SAP130: variants seen among roughly 807,000 people sequenced by gnomAD.
SAP130 encodes the protein Sin3A associated protein 130.
Under a neutral mutation model 103.2 loss-of-function variants are expected in SAP130, and 16 were observed. That is an observed-to-expected ratio of 0.16 (90% confidence interval 0.10 to 0.24). SAP130 has a LOEUF of 0.24. Among genes scored for constraint, SAP130 ranks in the 10% least tolerant of loss-of-function variants. The pLI is 1.00. For missense variants in SAP130, 990 were observed against 1,359.7 expected, an observed-to-expected ratio of 0.73 and a Z score of 4.28; for synonymous variants, 477 against 497.0, an observed-to-expected ratio of 0.96 and a Z score of 0.53.
At chr2:128,013,178 A>G (rs769920213) in intron 5 of SAP130, 24 bp from the exon 6 acceptor site, 2 of 1,579,920 alleles carry the variant, frequency 1.3e-6, no homozygotes, top group South Asian at 1.2e-5. Flanking sequence ...AGTGTTTATT[A>G]TATTTATTCT....
chr2:127,997,287 T>C (rs887329581), intron 10 of SAP130, among the ~76,000 whole-genome samples: 1 of 152,224 alleles, frequency 6.6e-6, no homozygotes, highest in African/African-American at 2.4e-5. Context: ...TTTATAGATC[T>C]ATCTATTAAC....
Position 127,989,892 on chromosome 2 carries a change from TAAG to T in SAP130, c.1478-29_1478-27del, listed in dbSNP as rs1559073952. 1.9e-6 allele frequency: 3 copies of T among 1,599,358 alleles called. No homozygotes were observed. Among genetic ancestry groups the T allele is most frequent in the South Asian group, 2.3e-5 (2 of 88,854 alleles). ...CTAAAAATGATGCGAAAGGTAACTA[TAAG>T]AAGGTTAGCTTCATTTCACACAGTC... On this transcript the variant is annotated intron_variant, in intron 12 of 20. Coordinates refer to ENST00000643581, the MANE Select transcript of SAP130 (RefSeq NM_001330301.2). This position sits in a 1 kb window ranked among gnomAD's most constrained non-coding sequence, Gnocchi z 4.6.
chr2:127,966,424 C>T (rs781453963), intron 15 of SAP130, among the ~76,000 whole-genome samples: 14 of 144,554 alleles, frequency 9.7e-5, no homozygotes, highest in Non-Finnish European at 1.4e-4. Flanking sequence ...CTCTGTGGGC[C>T]GGGTGTGATG....
chr2:127,943,497 T>C (rs1432909557), intron 19 of SAP130, among the ~76,000 whole-genome samples: 1 of 152,244 alleles, frequency 6.6e-6, no homozygotes, highest in African/African-American at 2.4e-5. Flanking sequence ...CTAGATGTTA[T>C]GAACTACCAC....
Position 127,942,335 on chromosome 2 carries a change from A to G in SAP130, c.3015+89T>C, listed in dbSNP as rs1678768430. 2.7e-6 allele frequency: 3 copies of G among 1,105,362 alleles called. No homozygotes were observed. The African/African-American group carries it at 4.6e-5, about 17-fold the overall frequency. The allele number at this position is 1,105,362 out of a possible 1,614,324, so 68.5% of individuals were successfully genotyped here. A position where few individuals can be genotyped will look rare whatever the true frequency, so the allele number is the denominator to read the frequency against. Reference sequence around the variant, plus strand: ...CACGTATGTTTTTACTGAAGATATGAGGGAGACGGGGGGAAACGGGAGAAG... The same window carrying G: ...CACGTATGTTTTTACTGAAGATATGGGGGAGACGGGGGGAAACGGGAGAAG... On this transcript the variant is annotated intron_variant, in intron 20 of 20. Transcript: ENST00000643581. This position sits in a 1 kb window ranked among gnomAD's most constrained non-coding sequence, Gnocchi z 4.8.
chr2:127,975,473 G>A, intron 15 of SAP130, among the ~76,000 whole-genome samples: 1 of 152,156 alleles, frequency 6.6e-6, no homozygotes, highest in Non-Finnish European at 1.5e-5. Flanking sequence ...AGGTAAAGTA[G>A]CTTTAATATA....
chr2:128,022,065 TTCC>T (rs1302646928), intron 2 of SAP130, among the ~76,000 whole-genome samples: 1 of 152,234 alleles, frequency 6.6e-6, no homozygotes, highest in East Asian at 1.9e-4. Flanking sequence ...TACAGATCAT[TTCC>T]TGTTACTCCA....
intron 15 of SAP130, among the ~76,000 whole-genome samples, chr2:127,964,494 C>CAAAAAAAAAAAAAAAAAAA (rs55755397): frequency 1.4e-5 from 1 of 69,912 alleles, no homozygotes; most frequent in Non-Finnish European, 2.6e-5. Context: ...AACTCCATCT[C>CAAAAAAAAAAAAAAAAAAA]AAAAAAAAAA....
chr2:128,026,936 A>T (rs1238395405), intron 1 of SAP130, among the ~76,000 whole-genome samples: 2 of 152,050 alleles, frequency 1.3e-5, no homozygotes, highest in Non-Finnish European at 2.9e-5. Flanking sequence ...CGATCTCCCG[A>T]TTCGCCCGCA....
chr2:127,954,379 C>T (rs1679689148), intron 16 of SAP130, among the ~76,000 whole-genome samples: 1 of 151,678 alleles, frequency 6.6e-6, no homozygotes, highest in African/African-American at 2.4e-5. Flanking sequence ...TTTGTTTATA[C>T]TTCACACAGT....
chr2:128,013,829 C>T (rs1684569695), intron 5 of SAP130, among the ~76,000 whole-genome samples: 2 of 152,182 alleles, frequency 1.3e-5, no homozygotes, highest in Non-Finnish European at 2.9e-5. Flanking sequence ...ACTCAGGAGG[C>T]TAAAGTGGGA....
At position 127,989,718 on chromosome 2, in the gene SAP130, G is replaced by A; in HGVS notation, c.1626C>T (p.Thr542=). Residue 542 remains threonine, a synonymous_variant, in exon 13 of 21, where the codon ACC becomes ACT. Coordinates refer to ENST00000643581, the MANE Select transcript of SAP130 (RefSeq NM_001330301.2). This position sits in a 1 kb window ranked among gnomAD's most constrained non-coding sequence, Gnocchi z 4.6. ...CAATGGGGGCCGGCTGGATACCCTGGGTACTGATGGGTGCTGGCTGGATCC... is the reference window on the plus strand; with the variant it reads ...CAATGGGGGCCGGCTGGATACCCTGAGTACTGATGGGTGCTGGCTGGATCC... The part of the protein sequence containing the change: ...IQGIQPAPIS[T]QGIQPAPIGT... 1 of 1,614,166 alleles carries A rather than the reference G, an allele frequency of 6.2e-7. No homozygotes were observed. The highest frequency in any genetic ancestry group is 8.5e-7 in the Non-Finnish European group (1 of 1,180,034).
At chr2:127,980,313 T>TA (rs923359838) in intron 14 of SAP130, among the ~76,000 whole-genome samples, 77 of 151,630 alleles carry the variant, frequency 5.1e-4, no homozygotes, top group Admixed American at 1.2e-3. Context: ...AAAACAAATT[T>TA]AAAAAAAAGA....
chr2:127,957,438 G>T (rs1190663216), intron 15 of SAP130, among the ~76,000 whole-genome samples: 1 of 152,198 alleles, frequency 6.6e-6, no homozygotes, highest in African/African-American at 2.4e-5. Context: ...GCTTTGGGAG[G>T]CCATGGCAGG....
intron 12 of SAP130, among the ~76,000 whole-genome samples, chr2:127,990,764 G>A (rs1682731561): frequency 6.6e-6 from 1 of 150,938 alleles, no homozygotes; most frequent in African/African-American, 2.4e-5. Context: ...AACATGGCAA[G>A]ACCCTATCTC....
intron 1 of SAP130, chr2:128,027,097 GCCGCCGC>G (rs1344928284): frequency 1.4e-5 from 20 of 1,420,186 alleles, no homozygotes; most frequent in Non-Finnish European, 1.6e-5. Flanking sequence ...TTTACCTGTA[GCCGCCGC>G]CCGCCGCCCG....
intron 15 of SAP130, among the ~76,000 whole-genome samples, chr2:127,968,249 A>G (rs1223890719): frequency 2.0e-5 from 3 of 151,330 alleles, no homozygotes; most frequent in Non-Finnish European, 4.4e-5. Context: ...GCTGGGGATT[A>G]CAGGCGGCCC....
chr2:127,954,442 A>G (rs1410252522), intron 16 of SAP130, among the ~76,000 whole-genome samples: 1 of 151,850 alleles, frequency 6.6e-6, no homozygotes, highest in East Asian at 1.9e-4. Context: ...CACATAAATT[A>G]TTAAAAAAAA....
intron 16 of SAP130, among the ~76,000 whole-genome samples, chr2:127,954,505 A>G (rs1284366751): frequency 6.6e-6 from 1 of 152,120 alleles, no homozygotes; most frequent in Non-Finnish European, 1.5e-5. Context: ...GGAAGTTTGG[A>G]GTTAAGATGA....
Sources: gnomAD v4.1 joint callset for allele counts (sites outside exome capture counted in the v4.1 genomes callset) on GRCh38, gnomAD v4.1.1 for gene constraint, Gnocchi (gnomAD v3.1) non-coding constraint, MANE v1.5 for transcripts, NCBI Gene and HGNC (gene_info 2026-07-23, HGNC 2026-07-21) for gene names.